Variants in RBMS3 observed in about 807,000 individuals in gnomAD.
The protein encoded by RBMS3 is RNA binding motif single stranded interacting protein 3.
RBMS3 carries 27 observed loss-of-function variants against 66.8 expected under a neutral mutation model. The ratio of observed to expected loss-of-function variants is 0.40; its 90% confidence interval spans 0.30 to 0.56. The LOEUF (loss-of-function observed/expected upper bound fraction) is 0.56, where lower values mean the gene tolerates loss of function less well. RBMS3 is among the 20% of genes least tolerant of loss of function. The pLI is 0.40. For missense variants in RBMS3, 513 were observed against 549.5 expected, an observed-to-expected ratio of 0.93 and a Z score of 0.66; for synonymous variants, 188 against 183.0, an observed-to-expected ratio of 1.03 and a Z score of -0.22.
intron 4 of RBMS3, among the ~76,000 whole-genome samples, chr3:29,723,475 T>C (rs928976439): frequency 2.6e-5 from 4 of 152,238 alleles, no homozygotes; most frequent in African/African-American, 9.6e-5. Context: ...ATTGTAACTT[T>C]ATCATATGTG....
chr3:29,428,757 C>T (rs2041064353), intron 1 of RBMS3, among the ~76,000 whole-genome samples: 1 of 152,172 alleles, frequency 6.6e-6, no homozygotes, highest in South Asian at 2.1e-4. Flanking sequence ...AGTTCATTTT[C>T]CTGTTATTAA....
chr3:29,909,310 G>A (rs577575831), intron 10 of RBMS3, among the ~76,000 whole-genome samples: 7 of 152,240 alleles, frequency 4.6e-5, no homozygotes, highest in Middle Eastern at 3.4e-3. Context: ...AACAGAAAGA[G>A]TAAGTTATGT....
At chr3:29,968,305 C>T (rs1696987882) in intron 12 of RBMS3, among the ~76,000 whole-genome samples, 1 of 152,190 alleles carries the variant, frequency 6.6e-6, no homozygotes, top group African/African-American at 2.4e-5. Context: ...TAGATCTTCC[C>T]CTGCCTGTGA....
chr3:29,548,057 A>G (rs2046033369), intron 3 of RBMS3, among the ~76,000 whole-genome samples: 1 of 151,880 alleles, frequency 6.6e-6, no homozygotes, highest in Non-Finnish European at 1.5e-5. Context: ...AGCCTCCCAA[A>G]CTGCAATGAG....
At chr3:29,385,649 C>G (rs181276738) in intron 1 of RBMS3, among the ~76,000 whole-genome samples, 73 of 152,218 alleles carry the variant, frequency 4.8e-4, no homozygotes, top group Non-Finnish European at 1.0e-3. Context: ...TCACTGTATC[C>G]CATACTGACC....
At chr3:29,532,176 TAGAC>T (rs368166155) in intron 3 of RBMS3, among the ~76,000 whole-genome samples, 18 of 149,706 alleles carry the variant, frequency 1.2e-4, no homozygotes, top group Admixed American at 2.7e-4. Flanking sequence ...CAATGAAAAT[TAGAC>T]AGAAAGATCA....
At chr3:29,319,052 G>A (rs770868269) in intron 1 of RBMS3, among the ~76,000 whole-genome samples, 2 of 151,938 alleles carry the variant, frequency 1.3e-5, no homozygotes, top group Non-Finnish European at 2.9e-5. Context: ...ACTTCAGCGT[G>A]GCTTCAGCAA....
Position 30,000,854 on chromosome 3 carries a change from G to A in RBMS3, c.1308-3002G>A, listed in dbSNP as rs550806843. 3.3e-5 allele frequency among the ~76,000 whole-genome samples: 5 copies of A among 152,014 alleles called. No individual in the cohort carries two copies. In the East Asian group the frequency reaches 9.7e-4, roughly 29 times the overall value. On this transcript the variant is annotated intron_variant, in intron 14 of 14. Transcript: ENST00000383767. The stretch of plus-strand genomic sequence containing the variant: ...GTTGAACAGTGAGAACATGGACATC[G>A]GGGGTGGGCGCATCACATACTGGGG...
intron 14 of RBMS3, among the ~76,000 whole-genome samples, chr3:29,993,471 A>C (rs190034526): frequency 4.9e-4 from 75 of 152,322 alleles, no homozygotes; most frequent in Admixed American, 3.3e-4. Flanking sequence ...TATATTTGGC[A>C]AAACAATATT....
intron 3 of RBMS3, among the ~76,000 whole-genome samples, chr3:29,524,148 C>T (rs2044980145): frequency 6.6e-6 from 1 of 152,052 alleles, no homozygotes; most frequent in Non-Finnish European, 1.5e-5. Flanking sequence ...CAACTATTAC[C>T]ATGTCAAATT....
intron 1 of RBMS3, among the ~76,000 whole-genome samples, chr3:29,402,544 C>G (rs1312808661): frequency 2.6e-5 from 4 of 151,908 alleles, no homozygotes; most frequent in African/African-American, 9.7e-5. Flanking sequence ...CCTTTATTTT[C>G]TAATAATGAT....
intron 12 of RBMS3, among the ~76,000 whole-genome samples, chr3:29,950,100 C>T (rs1166686708): frequency 2.0e-5 from 3 of 151,810 alleles, no homozygotes; most frequent in South Asian, 2.1e-4. Flanking sequence ...CTTTGCCATC[C>T]GATTATAAGG....
chr3:29,906,302 C>G (rs556380599), intron 10 of RBMS3, among the ~76,000 whole-genome samples: 1 of 152,008 alleles, frequency 6.6e-6, no homozygotes, highest in South Asian at 2.1e-4. Flanking sequence ...ATGGAAAGTC[C>G]AAGAGCTTGA....
At chr3:29,784,095 T>C (rs754594076) in intron 6 of RBMS3, among the ~76,000 whole-genome samples, 29 of 152,052 alleles carry the variant, frequency 1.9e-4, no homozygotes, top group Non-Finnish European at 3.2e-4. Flanking sequence ...AACACAATAA[T>C]AGTGGGGACT....
At chr3:29,789,155 T>C (rs1417042377) in intron 6 of RBMS3, among the ~76,000 whole-genome samples, 1 of 151,912 alleles carries the variant, frequency 6.6e-6, no homozygotes, top group Non-Finnish European at 1.5e-5. Context: ...CTTGACTTCA[T>C]TCATGATGTA....
chr3:29,788,338 G>A (rs1345865048), intron 6 of RBMS3, among the ~76,000 whole-genome samples: 3 of 151,798 alleles, frequency 2.0e-5, no homozygotes, highest in Non-Finnish European at 4.4e-5. Context: ...TGATTCTCCT[G>A]CCCCACCCTC....
At chr3:29,978,226 C>A (rs1171873205) in intron 12 of RBMS3, among the ~76,000 whole-genome samples, 4 of 152,108 alleles carry the variant, frequency 2.6e-5, no homozygotes, top group African/African-American at 9.7e-5. Context: ...ATAGCTATGG[C>A]CAATTCCTGT....
chr3:29,781,690 C>T (rs560431615), intron 6 of RBMS3, among the ~76,000 whole-genome samples: 5 of 151,922 alleles, frequency 3.3e-5, no homozygotes, highest in Admixed American at 1.3e-4. Context: ...ACCAAAAAAC[C>T]GTGAGTCTGC....
chr3:29,536,839 G>A (rs185907556), intron 3 of RBMS3, among the ~76,000 whole-genome samples: 9 of 152,262 alleles, frequency 5.9e-5, no homozygotes, highest in Admixed American at 3.3e-4. Flanking sequence ...TTTCTGCTCC[G>A]ACTGCAAGTG....
Sources: allele counts gnomAD v4.1 joint callset (sites outside exome capture counted in the v4.1 genomes callset), GRCh38; gene constraint gnomAD v4.1.1; transcripts MANE v1.5; gene names NCBI Gene and HGNC (gene_info 2026-07-23, HGNC 2026-07-21).